ACADL: variants seen among roughly 807,000 people sequenced by gnomAD.
The protein encoded by ACADL is long-chain specific acyl-CoA dehydrogenase, mitochondrial.
A neutral mutation model predicts 56.9 loss-of-function variants in ACADL; 60 were observed. The observed-to-expected ratio is 1.05, with a 90% CI of 0.86 to 1.31. ACADL has a LOEUF of 1.31. Ranked by LOEUF, ACADL falls within the 50% of genes most tolerant of loss-of-function variation. The pLI is 0.00. For missense variants in ACADL, 484 were observed against 525.5 expected (o/e 0.92, Z 0.77); for synonymous variants, 158 against 179.7 (o/e 0.88, Z 0.97).
chr2:210,188,671 T>C lies in ACADL; in HGVS notation c.*290A>G. On this transcript the variant is annotated 3_prime_UTR_variant, in exon 11 of 11. Transcript: ENST00000233710. The stretch of plus-strand genomic sequence containing the variant: ...GTTTGAAGATTTGAATGATTTATGC[T>C]TTTTAGAATTTTAGAGATAAATGAA... 1 of 292,032 alleles carries C rather than the reference T, an allele frequency of 3.4e-6. No individual in the cohort carries two copies. Among genetic ancestry groups the C allele is most frequent in the Non-Finnish European group, 6.5e-6 (1 of 154,068 alleles). 18.1% of individuals were successfully genotyped at this position (292,032 alleles called of 1,614,324 possible). A position where few individuals can be genotyped will look rare whatever the true frequency, so the allele number is the denominator to read the frequency against.
intron 8 of ACADL, among the ~76,000 whole-genome samples, chr2:210,197,271 T>C (rs1688725417): frequency 6.6e-6 from 1 of 152,144 alleles, no homozygotes; most frequent in Non-Finnish European, 1.5e-5. Context: ...AATGAGAAGG[T>C]TGGCACCCCA....
intron 3 of ACADL, chr2:210,217,646 A>G (rs1322629529): frequency 9.0e-6 from 2 of 221,248 alleles, no homozygotes; most frequent in Non-Finnish European, 1.8e-5. Context: ...TGATGGAAGT[A>G]TATTTCTACT....
At chr2:210,210,383 G>A (rs1176752910) in intron 4 of ACADL, 121 bp from the exon 5 acceptor site, 5 of 713,094 alleles carry the variant, frequency 7.0e-6, no homozygotes, top group Non-Finnish European at 9.4e-6. Flanking sequence ...AAATTGCTGA[G>A]TATTAAGAAT....
chr2:210,218,971 T>C (rs1015326952), intron 2 of ACADL, among the ~76,000 whole-genome samples: 2 of 152,194 alleles, frequency 1.3e-5, no homozygotes, highest in Non-Finnish European at 2.9e-5. Context: ...AAAATGAGAA[T>C]GGCAGAATGA....
chr2:210,219,188 C>T (rs560856711), intron 2 of ACADL, among the ~76,000 whole-genome samples: 3 of 152,228 alleles, frequency 2.0e-5, no homozygotes, highest in African/African-American at 7.2e-5. Flanking sequence ...TTGTCAGCTC[C>T]TATTATTTTA....
chr2:210,208,343 G>C (rs1232759948), intron 5 of ACADL, among the ~76,000 whole-genome samples: 1 of 152,174 alleles, frequency 6.6e-6, no homozygotes, highest in Non-Finnish European at 1.5e-5. Context: ...TTATAGCAAA[G>C]GATTAATAAA....
Position 210,213,047 on chromosome 2 carries a change from T to G in ACADL, c.537-2785A>C, listed in dbSNP as rs77562827. 9.1e-4 allele frequency among the ~76,000 whole-genome samples: 139 copies of G among 152,320 alleles called. No homozygotes were observed. The East Asian group carries it at 0.02, about 22-fold the overall frequency. On this transcript the variant is annotated intron_variant, in intron 4 of 10. Transcript: ENST00000233710. ...CTGCTTTCCTTTTAGGGATCTGAACTTTTGGTACATGCCAGGCAGAGGGTG... is the reference window on the plus strand; with the variant it reads ...CTGCTTTCCTTTTAGGGATCTGAACGTTTGGTACATGCCAGGCAGAGGGTG...
intron 5 of ACADL, among the ~76,000 whole-genome samples, chr2:210,209,360 T>C (rs958065432): frequency 6.6e-6 from 1 of 152,180 alleles, no homozygotes; most frequent in Non-Finnish European, 1.5e-5. Context: ...TCACTTGCCC[T>C]CAGTGATATC....
At chr2:210,196,362 G>T (rs373510394) in intron 8 of ACADL, among the ~76,000 whole-genome samples, 10 of 151,880 alleles carry the variant, frequency 6.6e-5, no homozygotes, top group Middle Eastern at 3.4e-3. Context: ...AGCTTGTTTA[G>T]CAGTCTCTAG....
intron 5 of ACADL, among the ~76,000 whole-genome samples, chr2:210,208,710 G>T (rs572374438): frequency 6.6e-6 from 1 of 152,036 alleles, no homozygotes; most frequent in Non-Finnish European, 1.5e-5. Context: ...TAGTAAAAAT[G>T]TTCCTATACT....
intron 9 of ACADL, among the ~76,000 whole-genome samples, chr2:210,193,512 G>A (rs145136119): frequency 1.2e-3 from 177 of 152,160 alleles, no homozygotes; most frequent in African/African-American, 3.9e-3. Flanking sequence ...TATAATGTTT[G>A]TATACATAAA....
At position 210,188,888 on chromosome 2, in the gene ACADL, C is replaced by A; in HGVS notation, c.*73G>T. 1 of 1,089,968 alleles carries A rather than the reference C, an allele frequency of 9.2e-7. No individual in the cohort carries two copies. The highest frequency in any genetic ancestry group is 1.5e-5 in the African/African-American group (1 of 64,816). The allele number at this position is 1,089,968 out of a possible 1,614,324, so 67.5% of individuals were successfully genotyped here. A position where few individuals can be genotyped will look rare whatever the true frequency, so the allele number is the denominator to read the frequency against. On this transcript the variant is annotated 3_prime_UTR_variant, in exon 11 of 11. Coordinates refer to ENST00000233710, the MANE Select transcript of ACADL (RefSeq NM_001608.4). Reference sequence around the variant, plus strand: ...ACATGTTTAGTGTTTCCTCGCTTTCCAAGTTACATTTTATCTTGAGCAGAT... The same window carrying A: ...ACATGTTTAGTGTTTCCTCGCTTTCAAAGTTACATTTTATCTTGAGCAGAT...
chr2:210,197,954 C>T (rs929576090), intron 8 of ACADL, among the ~76,000 whole-genome samples: 17 of 152,254 alleles, frequency 1.1e-4, no homozygotes, highest in African/African-American at 3.8e-4. Context: ...TTGGGTTGAG[C>T]GTTACTAAAC....
At chr2:210,210,076 G>A in intron 5 of ACADL, 120 bp downstream of exon 5, 1 of 803,760 alleles carries the variant, frequency 1.2e-6, no homozygotes. Flanking sequence ...AAACAACTTA[G>A]ATAAATTCAA....
chr2:210,206,125 G>T (rs926282416), intron 5 of ACADL, among the ~76,000 whole-genome samples: 4 of 151,960 alleles, frequency 2.6e-5, no homozygotes, highest in East Asian at 1.9e-4. Context: ...TTGTATTTTA[G>T]AAGGAAGCCA....
chr2:210,193,024 G>C, intron 9 of ACADL, 134 bp from the exon 10 acceptor site: 1 of 654,958 alleles, frequency 1.5e-6, no homozygotes, highest in Admixed American at 2.7e-5. Context: ...CGGCATATTA[G>C]CTAAGCAAAG....
chr2:210,209,096 A>G (rs957692970), intron 5 of ACADL, among the ~76,000 whole-genome samples: 1 of 152,226 alleles, frequency 6.6e-6, no homozygotes, highest in African/African-American at 2.4e-5. Context: ...CCGTTTAATT[A>G]TAATTCTTAG....
intron 6 of ACADL, 111 bp downstream of exon 6, chr2:210,205,521 A>AT (rs1185803480): frequency 1.9e-6 from 2 of 1,052,052 alleles, no homozygotes; most frequent in Non-Finnish European, 2.8e-6. Flanking sequence ...ATATTTTAGG[A>AT]ATTCAGCATA....
At chr2:210,192,662 C>T in intron 10 of ACADL, 142 bp downstream of exon 10, 2 of 663,522 alleles carry the variant, frequency 3.0e-6, no homozygotes, top group Non-Finnish European at 5.3e-6. Flanking sequence ...TTTCCATTTG[C>T]TTGAATACAT....
Sources: allele counts gnomAD v4.1 joint callset (sites outside exome capture counted in the v4.1 genomes callset), GRCh38; gene constraint gnomAD v4.1.1; transcripts MANE v1.5; gene names NCBI Gene and HGNC (gene_info 2026-07-23, HGNC 2026-07-21).